FANCC: variants seen among roughly 807,000 people sequenced by gnomAD.
FANCC encodes the protein Fanconi anemia group C protein.
FANCC carries 55 observed loss-of-function variants against 71.3 expected under a neutral mutation model. The ratio of observed to expected loss-of-function variants is 0.77; its 90% CI spans 0.62 to 0.97. FANCC has a LOEUF of 0.97. FANCC is among the 50% of genes least tolerant of loss of function. The pLI, the probability that FANCC is intolerant of heterozygous loss-of-function variation, is 0.00. For missense variants in FANCC, 678 were observed against 670.9 expected (o/e 1.01, Z -0.12); for synonymous variants, 275 against 244.9 (o/e 1.12, Z -1.15).
chr9:95,151,363 C>T (rs1830158885), intron 6 of FANCC, among the ~76,000 whole-genome samples: 1 of 152,134 alleles, frequency 6.6e-6, no homozygotes, highest in African/African-American at 2.4e-5. Context: ...TGGGTGGAGG[C>T]TATTCTAGGT....
At chr9:95,260,497 CATG>C (rs1274201014) in intron 1 of FANCC, among the ~76,000 whole-genome samples, 1 of 152,040 alleles carries the variant, frequency 6.6e-6, no homozygotes, top group African/African-American at 2.4e-5. Flanking sequence ...AATGCGAACA[CATG>C]GACCCAGGGA....
intron 4 of FANCC, among the ~76,000 whole-genome samples, chr9:95,174,914 C>T (rs895080907): frequency 5.9e-5 from 9 of 151,978 alleles, no homozygotes; most frequent in African/African-American, 2.2e-4. Flanking sequence ...TCAATTTCAT[C>T]ATAAAGTATC....
chr9:95,175,358 A>G (rs1040811080), intron 4 of FANCC, among the ~76,000 whole-genome samples: 1 of 152,224 alleles, frequency 6.6e-6, no homozygotes, highest in African/African-American at 2.4e-5. Context: ...AAAAAAATGA[A>G]TCCACTGGAA....
chr9:95,166,682 A>G (rs141992994), intron 6 of FANCC, among the ~76,000 whole-genome samples: 502 of 152,272 alleles, frequency 3.3e-3, no homozygotes, highest in South Asian at 8.3e-3. Context: ...TAAATCATGG[A>G]TCAAAAATAT....
At chr9:95,200,797 G>A (rs555947812) in intron 4 of FANCC, among the ~76,000 whole-genome samples, 1 of 152,256 alleles carries the variant, frequency 6.6e-6, no homozygotes, top group Admixed American at 6.5e-5. Flanking sequence ...ATAACAAGCG[G>A]ATGACATATA....
At chr9:95,295,505 A>G (rs1834311557) in intron 1 of FANCC, among the ~76,000 whole-genome samples, 1 of 152,232 alleles carries the variant, frequency 6.6e-6, no homozygotes, top group African/African-American at 2.4e-5. Flanking sequence ...GCTCAACATC[A>G]GTAATCATCA....
At chr9:95,114,105 CA>C in intron 12 of FANCC, 2 of 185,684 alleles carry the variant, frequency 1.1e-5, no homozygotes, top group South Asian at 2.3e-4. Flanking sequence ...TAAAACAAAC[CA>C]ACCAACCCAG....
At chr9:95,309,698 T>C (rs954459673) in intron 1 of FANCC, among the ~76,000 whole-genome samples, 12 of 152,226 alleles carry the variant, frequency 7.9e-5, no homozygotes, top group African/African-American at 2.7e-4. Flanking sequence ...CCCAACTCTA[T>C]TCATCAAGAT....
At chr9:95,151,293 C>T (rs1277351817) in intron 6 of FANCC, among the ~76,000 whole-genome samples, 1 of 152,154 alleles carries the variant, frequency 6.6e-6, no homozygotes, top group East Asian at 1.9e-4. Context: ...GATAACTCCT[C>T]ACACACAGCA....
chr9:95,313,709 A>G (rs1010469959), intron 1 of FANCC, among the ~76,000 whole-genome samples: 1 of 152,192 alleles, frequency 6.6e-6, no homozygotes, highest in African/African-American at 2.4e-5. Context: ...CAAAAATCCT[A>G]AACAAAATAT....
chr9:95,221,010 T>C (rs1180095740), intron 4 of FANCC, among the ~76,000 whole-genome samples: 1 of 151,956 alleles, frequency 6.6e-6, no homozygotes, highest in Non-Finnish European at 1.5e-5. Context: ...GGCGGGCAGA[T>C]CACGAGGTCA....
intron 10 of FANCC, among the ~76,000 whole-genome samples, chr9:95,119,011 T>G (rs1588077128): frequency 6.6e-6 from 1 of 152,216 alleles, no homozygotes; most frequent in Non-Finnish European, 1.5e-5. Context: ...TTGTACCATC[T>G]TACGCCCACC....
At chr9:95,282,433 A>G (rs1467100898) in intron 1 of FANCC, among the ~76,000 whole-genome samples, 1 of 152,158 alleles carries the variant, frequency 6.6e-6, no homozygotes, top group Non-Finnish European at 1.5e-5. Flanking sequence ...TAAATACATA[A>G]AGCCAATATT....
intron 7 of FANCC, 135 bp from the exon 8 acceptor site, chr9:95,135,637 T>C (rs923387769): frequency 1.4e-6 from 1 of 718,530 alleles, no homozygotes. Flanking sequence ...GCTAATAATT[T>C]ATAGAATCAG....
At position 95,294,157 on chromosome 9, in the gene FANCC, T is replaced by C. The variant is rs1834235117; in HGVS notation, c.-79+23369A>G. On this transcript the variant is annotated intron_variant, in intron 1 of 14. Transcript: ENST00000289081. The stretch of plus-strand genomic sequence containing the variant: ...GTCAAGTAATCTGCCTGCTCAGACA[T>C]TGGATCATCATAGTCTTTTGTCTAA... 21 of 1,604,554 alleles carry C rather than the reference T, an allele frequency of 1.3e-5. No individual in the cohort carries two copies. In the Middle Eastern group the frequency reaches 6.6e-4, roughly 51 times the overall value.
chr9:95,313,631 T>C, intron 1 of FANCC, among the ~76,000 whole-genome samples: 1 of 152,140 alleles, frequency 6.6e-6, no homozygotes, highest in East Asian at 1.9e-4. Context: ...ATGCCACTAT[T>C]ACGGTAATAC....
At chr9:95,143,306 T>A (rs751471418) in intron 7 of FANCC, among the ~76,000 whole-genome samples, 8 of 152,214 alleles carry the variant, frequency 5.3e-5, no homozygotes, top group Middle Eastern at 3.4e-3. Flanking sequence ...AACCCCACAG[T>A]TTAGGTTTTT....
intron 1 of FANCC, among the ~76,000 whole-genome samples, chr9:95,312,539 C>G (rs1211958974): frequency 6.6e-6 from 1 of 152,118 alleles, no homozygotes; most frequent in Non-Finnish European, 1.5e-5. Flanking sequence ...TTCTGTAGAA[C>G]AGGGGTTTTG....
Position 95,159,233 on chromosome 9 carries a change from C to T in FANCC, c.522-9146G>A, listed in dbSNP as rs147468383. ...GGGTGTGATGTTCCCCACCCTGTGT[C>T]CAAGTGTTCTCATTGTTCAATTCCT... On this transcript the variant is annotated intron_variant, in intron 6 of 14. Coordinates refer to ENST00000289081, the MANE Select transcript of FANCC (RefSeq NM_000136.3). Among the ~76,000 whole-genome samples, 434 of 152,250 alleles carry T rather than the reference C, an allele frequency of 2.9e-3. 2 individuals are homozygous for T. Among genetic ancestry groups the T allele is most frequent in the African/African-American group, 0.01 (416 of 41,542 alleles).
Sources: gnomAD v4.1 joint callset for allele counts (sites outside exome capture counted in the v4.1 genomes callset) on GRCh38, gnomAD v4.1.1 for gene constraint, MANE v1.5 for transcripts, NCBI Gene and HGNC (gene_info 2026-07-23, HGNC 2026-07-21) for gene names.